PDE11A: variants seen among roughly 807,000 people sequenced by gnomAD.
PDE11A encodes the protein dual 3',5'-cyclic-AMP and -GMP phosphodiesterase 11A.
A neutral mutation model predicts 100.5 loss-of-function variants in PDE11A; 100 were observed. That is an observed-to-expected ratio of 1.00 (90% CI 0.85 to 1.18). The LOEUF is 1.18. Among genes scored for constraint, PDE11A ranks in the 50% most tolerant of loss-of-function variants. PDE11A has a pLI of 0.00. For synonymous variants in PDE11A, 381 were observed against 420.8 expected (o/e 0.91, Z 1.16); for missense variants, 1,141 against 1,152.6 (o/e 0.99, Z 0.15).
intron 4 of PDE11A, among the ~76,000 whole-genome samples, chr2:177,876,375 G>C (rs777555135): frequency 1.6e-5 from 2 of 127,178 alleles, no homozygotes; most frequent in African/African-American, 3.4e-5. Flanking sequence ...TTGTTCTCAG[G>C]TGAGCTTCGT....
chr2:177,695,512 T>G (rs777608486), intron 15 of PDE11A, among the ~76,000 whole-genome samples: 5 of 152,216 alleles, frequency 3.3e-5, no homozygotes, highest in Non-Finnish European at 5.9e-5. Context: ...ACCCTGGGTG[T>G]ATGGCTTATA....
chr2:177,666,312 A>G (rs1305878088), intron 18 of PDE11A, among the ~76,000 whole-genome samples: 3 of 152,212 alleles, frequency 2.0e-5, no homozygotes, highest in Non-Finnish European at 2.9e-5. Flanking sequence ...TCATCAGTTG[A>G]TTGACATTTG....
At chr2:177,998,695 C>T in intron 2 of PDE11A, 2 of 1,140,792 alleles carry the variant, frequency 1.8e-6, no homozygotes, top group Non-Finnish European at 2.7e-6. Flanking sequence ...TGATAGGCAT[C>T]TTTATGCTGG....
intron 9 of PDE11A, among the ~76,000 whole-genome samples, chr2:177,803,394 C>G (rs995576959): frequency 7.9e-5 from 12 of 151,842 alleles, no homozygotes; most frequent in African/African-American, 2.7e-4. Flanking sequence ...TAACTAATAC[C>G]AATCCTCCTG....
chr2:177,781,748 C>T lies in PDE11A; in HGVS notation c.1738-12375G>A, dbSNP rs928448771. 3.3e-5 allele frequency among the ~76,000 whole-genome samples: 5 copies of T among 152,204 alleles called. No individual in the cohort carries two copies. The South Asian group carries it at 6.2e-4, about 19-fold the overall frequency. On this transcript the variant is annotated intron_variant, in intron 9 of 19. Coordinates refer to ENST00000286063, the MANE Select transcript of PDE11A (RefSeq NM_016953.4). Reference sequence around the variant, plus strand: ...AACTTCTGACCTCAGGTGATCTGCCCGCCTCTGCCTCCCAAAGTGCTGGGA... The same window carrying T: ...AACTTCTGACCTCAGGTGATCTGCCTGCCTCTGCCTCCCAAAGTGCTGGGA...
At chr2:177,739,382 G>A (rs1023793050) in intron 10 of PDE11A, among the ~76,000 whole-genome samples, 3 of 152,100 alleles carry the variant, frequency 2.0e-5, no homozygotes, top group Non-Finnish European at 2.9e-5. Context: ...TGCCAGAAGA[G>A]GGGTTTTATT....
At position 177,788,038 on chromosome 2, in the gene PDE11A, C is replaced by T. The variant is rs185889257; in HGVS notation, c.1738-18665G>A. ...GAACTCAGCTCTGCACCAAGCGGAC[C>T]TAATAGACATCCACAGAACTCTTCA... On this transcript the variant is annotated intron_variant, in intron 9 of 19. Transcript: ENST00000286063. 5.3e-5 allele frequency among the ~76,000 whole-genome samples: 8 copies of T among 152,038 alleles called. No individual in the cohort carries two copies. In the East Asian group the frequency reaches 1.6e-3, roughly 30 times the overall value.
intron 10 of PDE11A, among the ~76,000 whole-genome samples, chr2:177,756,952 A>C (rs537256206): frequency 2.6e-5 from 4 of 152,232 alleles, no homozygotes; most frequent in Admixed American, 2.6e-4. Flanking sequence ...AAGGGCTCAC[A>C]ATCAGACGAT....
At chr2:178,035,405 G>A (rs2086600057) in intron 1 of PDE11A, among the ~76,000 whole-genome samples, 1 of 152,090 alleles carries the variant, frequency 6.6e-6, no homozygotes, top group Non-Finnish European at 1.5e-5. Flanking sequence ...ACCAAAAAAA[G>A]CCCAGGACCA....
chr2:178,011,604 A>G (rs1206373565), intron 2 of PDE11A, among the ~76,000 whole-genome samples: 1 of 152,180 alleles, frequency 6.6e-6, no homozygotes, highest in Admixed American at 6.5e-5. Context: ...GAATGTATAG[A>G]CTTAAATTAG....
At chr2:177,706,529 C>T (rs1452143202) in intron 13 of PDE11A, among the ~76,000 whole-genome samples, 1 of 152,186 alleles carries the variant, frequency 6.6e-6, no homozygotes, top group Non-Finnish European at 1.5e-5. Flanking sequence ...GAATAAATCT[C>T]ATTCTAATCA....
At chr2:177,835,612 G>T (rs1370403946) in intron 6 of PDE11A, among the ~76,000 whole-genome samples, 1 of 152,182 alleles carries the variant, frequency 6.6e-6, no homozygotes, top group Non-Finnish European at 1.5e-5. Flanking sequence ...CACTGTGGGA[G>T]CCCCTCTCTG....
At chr2:177,698,076 A>G (rs954211970) in intron 14 of PDE11A, among the ~76,000 whole-genome samples, 7 of 152,166 alleles carry the variant, frequency 4.6e-5, no homozygotes, top group African/African-American at 1.7e-4. Context: ...TTACTGGCCC[A>G]ACACGTCACT....
upstream of PDE11A, among the ~76,000 whole-genome samples, chr2:178,077,566 A>G (rs1039150071): frequency 1.3e-5 from 2 of 152,116 alleles, no homozygotes; most frequent in Non-Finnish European, 2.9e-5. Flanking sequence ...CACCTTCCAC[A>G]TAACAAACGT....
intron 5 of PDE11A, among the ~76,000 whole-genome samples, chr2:177,861,779 T>C (rs546312263): frequency 4.6e-5 from 7 of 152,036 alleles, no homozygotes; most frequent in Non-Finnish European, 1.0e-4. Context: ...CTATGGTCAA[T>C]TGACTTTCCA....
At chr2:177,938,309 T>TA (rs2085303720) in intron 2 of PDE11A, among the ~76,000 whole-genome samples, 1 of 151,934 alleles carries the variant, frequency 6.6e-6, no homozygotes, top group Non-Finnish European at 1.5e-5. Flanking sequence ...AGTAAGGAGG[T>TA]AGGGTTAGGT....
intron 2 of PDE11A, among the ~76,000 whole-genome samples, chr2:178,002,741 A>C (rs1038915301): frequency 6.6e-6 from 1 of 152,222 alleles, no homozygotes; most frequent in African/African-American, 2.4e-5. Flanking sequence ...GAAGGCATGC[A>C]TACACTGAAT....
chr2:177,733,319 G>C lies in PDE11A; in HGVS notation c.1789-5147C>G, dbSNP rs539741768. 2.6e-5 allele frequency among the ~76,000 whole-genome samples: 4 copies of C among 152,264 alleles called. No homozygotes were observed. The South Asian group carries it at 8.3e-4, about 32-fold the overall frequency. ...TACTGCAGCAATAAATGAAAACACA[G>C]AATTATGAGTCCTGGAGCTAATTTG... is the stretch of plus-strand genomic sequence containing the variant. On this transcript the variant is annotated intron_variant, in intron 10 of 19. Coordinates refer to ENST00000286063, the MANE Select transcript of PDE11A (RefSeq NM_016953.4).
intron 1 of PDE11A, among the ~76,000 whole-genome samples, chr2:178,030,390 T>G (rs571280326): frequency 6.6e-6 from 1 of 152,278 alleles, no homozygotes; most frequent in South Asian, 2.1e-4. Flanking sequence ...ATCAGTACTT[T>G]AAAATATTCC....
Sources: gnomAD v4.1 joint callset for allele counts (sites outside exome capture counted in the v4.1 genomes callset) on GRCh38, gnomAD v4.1.1 for gene constraint, MANE v1.5 for transcripts, NCBI Gene and HGNC (gene_info 2026-07-23, HGNC 2026-07-21) for gene names.